The following TRIO variants were observed in gnomAD, a reference collection of about 807,000 sequenced individuals.
TRIO encodes triple functional domain protein.
A neutral mutation model predicts 351.9 loss-of-function variants in TRIO; 58 were observed. That is an observed-to-expected ratio of 0.16 (90% CI 0.13 to 0.21). TRIO has a LOEUF of 0.21. TRIO is among the 10% of genes least tolerant of loss of function. TRIO has a pLI of 1.00. For synonymous variants in TRIO, 1,758 were observed against 1,595.7 expected, an observed-to-expected ratio of 1.10 and a Z score of -2.42; for missense variants, 3,201 against 4,027.8, an observed-to-expected ratio of 0.79 and a Z score of 5.56.
chr5:14,503,957 C>A (rs1042174493), intron 54 of TRIO, among the ~76,000 whole-genome samples: 3 of 152,246 alleles, frequency 2.0e-5, no homozygotes, highest in African/African-American at 7.2e-5. Context: ...CACACCCCCA[C>A]AGGGGCGAGG....
At chr5:14,472,493 A>T in intron 38 of TRIO, 99 bp from the exon 39 acceptor site, 1 of 1,231,422 alleles carries the variant, frequency 8.1e-7, no homozygotes, top group South Asian at 1.3e-5. Flanking sequence ...ATACATTACT[A>T]TTCAGTCCTG....
rs1227322163 is a variant in TRIO, at chr5:14,143,915, C to T, written c.157+33C>T. The T allele has an allele frequency of 2.4e-5, 25 of 1,058,956 alleles. No individual in the cohort carries two copies. In the Admixed American group the frequency reaches 1.2e-3, roughly 51 times the overall value. 65.6% of individuals were successfully genotyped at this position (1,058,956 alleles called of 1,614,324 possible). ...CAACTGCGGCCGGCCCGCCCAGCGG[C>T]GCTGCCCCAAGCGCTCGGCCGACCC... On this transcript the variant is annotated intron_variant, in intron 1 of 56. Transcript: ENST00000344204.
intron 10 of TRIO, among the ~76,000 whole-genome samples, chr5:14,332,954 C>G (rs1235042456): frequency 3.9e-5 from 6 of 152,116 alleles, no homozygotes; most frequent in Non-Finnish European, 8.8e-5. Context: ...CGTTTTGGGA[C>G]AAGAGCCACT....
intron 37 of TRIO, chr5:14,465,953 G>C: frequency 3.0e-6 from 1 of 329,290 alleles, no homozygotes; most frequent in South Asian, 3.7e-5. Flanking sequence ...TCTCCCAGTG[G>C]AGTCAGGCAG....
intron 9 of TRIO, among the ~76,000 whole-genome samples, chr5:14,326,090 T>G (rs992017698): frequency 1.3e-5 from 2 of 152,172 alleles, no homozygotes; most frequent in African/African-American, 4.8e-5. Context: ...TAGTGCACAC[T>G]CAGGCTTTCC....
Position 14,297,236 on chromosome 5 carries a change from C to T in TRIO, c.1341C>T (p.Ser447=). ...LDERSTLLDM[S]SIFHQKAEKY... ...AGCGGAGCACCTTGCTGGACATGTC[C>T]TCCATTTTCCACCAGAAGGCCGAAA... Residue 447 remains serine, a synonymous_variant, in exon 7 of 57, where the codon TCC becomes TCT. Coordinates refer to ENST00000344204, the MANE Select transcript of TRIO (RefSeq NM_007118.4). The T allele has an allele frequency of 6.2e-7, 1 of 1,614,098 alleles. No homozygotes were observed. The highest frequency in any genetic ancestry group is 8.5e-7 in the Non-Finnish European group (1 of 1,179,974).
chr5:14,217,851 A>G (rs1426722721), intron 1 of TRIO, among the ~76,000 whole-genome samples: 1 of 152,212 alleles, frequency 6.6e-6, no homozygotes, highest in Non-Finnish European at 1.5e-5. Flanking sequence ...TAAAGATTGC[A>G]TAAGGTTATA....
Position 14,222,184 on chromosome 5 carries a change from G to C in TRIO, c.158-48641G>C, listed in dbSNP as rs553303429. On this transcript the variant is annotated intron_variant, in intron 1 of 56. Coordinates refer to ENST00000344204, the MANE Select transcript of TRIO (RefSeq NM_007118.4). ...CAATAAAGTATTTTTAAATTAAGGT[G>C]TGTTCATTTTTAAAGACAAATACTA... Among the ~76,000 whole-genome samples the C allele has an allele frequency of 9.4e-5, 14 of 148,794 alleles. No homozygotes were observed. In the East Asian group the frequency reaches 2.3e-3, roughly 25 times the overall value.
chr5:14,368,616 A>G, intron 16 of TRIO, 92 bp from the exon 17 acceptor site: 1 of 1,380,616 alleles, frequency 7.2e-7, no homozygotes, highest in Non-Finnish European at 9.9e-7. Context: ...CCACAAAATC[A>G]TGAAGAACAG....
At chr5:14,348,042 T>A (rs546466498) in intron 11 of TRIO, among the ~76,000 whole-genome samples, 83 of 152,348 alleles carry the variant, frequency 5.4e-4, no homozygotes, top group African/African-American at 1.9e-3. Context: ...TGCCCCCAAA[T>A]AACTCCTTCC....
At chr5:14,433,063 C>T (rs145699457) in intron 34 of TRIO, among the ~76,000 whole-genome samples, 1 of 152,240 alleles carries the variant, frequency 6.6e-6, no homozygotes, top group East Asian at 1.9e-4. Context: ...TACCATATCA[C>T]GTTGCAGTTC....
At chr5:14,434,155 C>T (rs17428704) in intron 34 of TRIO, among the ~76,000 whole-genome samples, 7,062 of 152,164 alleles carry the variant, frequency 0.046, 181 homozygotes, top group Admixed American at 0.058. Flanking sequence ...AAGTAAATTT[C>T]GTGGGCATTA....
At chr5:14,152,360 TTTTGTTTG>T (rs55699760) in intron 1 of TRIO, among the ~76,000 whole-genome samples, 6 of 151,056 alleles carry the variant, frequency 4.0e-5, no homozygotes, top group African/African-American at 9.8e-5. Flanking sequence ...ATTTCAGTTT[TTTTGTTTG>T]TTTGTTTGTT....
In TRIO at chr5:14,487,550, A is replaced by C; in HGVS notation, c.6922A>C (p.Ser2308Arg). ...GSGGSGGGGG[S>R]GGGGAPSGGS... ...CGGGGGCAGCGGCGGGGGTGGGGGC[A>C]GCGGCGGCGGCGGGGCCCCCAGTGG... Residue 2308 changes from serine to arginine, a missense_variant, in exon 48 of 57, where the codon AGC becomes CGC. Physicochemically the swap from Ser to Arg is moderately radical, Grantham distance 110 (BLOSUM62 -1). Coordinates refer to ENST00000344204, the MANE Select transcript of TRIO (RefSeq NM_007118.4). The C allele has an allele frequency of 9.5e-7, 1 of 1,057,226 alleles. No individual in the cohort carries two copies. The highest frequency in any genetic ancestry group is 1.2e-6 in the Non-Finnish European group (1 of 864,188). The allele number at this position is 1,057,226 out of a possible 1,614,324, so 65.5% of individuals were successfully genotyped here.
At chr5:14,388,774 T>A in intron 24 of TRIO, 95 bp downstream of exon 24, 1 of 1,377,858 alleles carries the variant, frequency 7.3e-7, no homozygotes, top group Non-Finnish European at 9.9e-7. Context: ...CTTAGAATAA[T>A]CACAATTTTT....
At chr5:14,240,268 A>C (rs1438520374) in intron 1 of TRIO, among the ~76,000 whole-genome samples, 1 of 152,188 alleles carries the variant, frequency 6.6e-6, no homozygotes, top group Non-Finnish European at 1.5e-5. Context: ...TATTTCTAAA[A>C]ATGGAGTCAG....
intron 27 of TRIO, among the ~76,000 whole-genome samples, chr5:14,392,092 G>A (rs1747131328): frequency 6.6e-6 from 1 of 152,126 alleles, no homozygotes; most frequent in Non-Finnish European, 1.5e-5. Flanking sequence ...TGGAATCAAA[G>A]CCATTTTAGA....
intron 47 of TRIO, among the ~76,000 whole-genome samples, chr5:14,486,326 A>T (rs72730877): frequency 0.044 from 6,649 of 152,294 alleles, 192 homozygotes; most frequent in Non-Finnish European, 0.068. Flanking sequence ...ACCTTGCGTG[A>T]TGTTCAAGAG....
intron 1 of TRIO, among the ~76,000 whole-genome samples, chr5:14,244,485 G>GGCCGGGCGCGGTGGCTCACGCCTGTAATC (rs1794320779): frequency 6.6e-6 from 1 of 152,064 alleles, no homozygotes; most frequent in African/African-American, 2.4e-5. Flanking sequence ...GCACCTTATG[G>GGCCGGGCGCGGTGGCTCACGCCTGTAATC]CCAGTTTTTC....
Sources: gnomAD v4.1 joint callset for allele counts (sites outside exome capture counted in the v4.1 genomes callset) on GRCh38, gnomAD v4.1.1 for gene constraint, MANE v1.5 for transcripts, NCBI Gene and HGNC (gene_info 2026-07-23, HGNC 2026-07-21) for gene names.